Variants in CNTNAP4 observed in about 807,000 individuals in gnomAD.
CNTNAP4 encodes contactin associated protein family member 4, also known as contactin-associated protein-like 4.
Under a neutral mutation model 148.4 loss-of-function variants are expected in CNTNAP4, and 98 were observed. The ratio of observed to expected loss-of-function variants is 0.66; its 90% CI spans 0.56 to 0.78. The LOEUF (loss-of-function observed/expected upper bound fraction) is 0.78, where lower values mean the gene tolerates loss of function less well. CNTNAP4 is among the 30% of genes least tolerant of loss of function. The probability of loss-of-function intolerance (pLI) is 0.00; values close to 1 mark genes in which losing one functional copy is unlikely to be tolerated. For missense variants in CNTNAP4, 1,935 were observed against 1,565.6 expected (o/e 1.24, Z -3.98); for synonymous variants, 730 against 565.1 (o/e 1.29, Z -4.14).
intron 1 of CNTNAP4, among the ~76,000 whole-genome samples, chr16:76,299,377 G>A (rs542951048): frequency 4.1e-4 from 62 of 152,192 alleles, no homozygotes; most frequent in African/African-American, 1.3e-3. Flanking sequence ...TTATGCAGCC[G>A]ACAGACACAT....
At chr16:76,363,642 A>C (rs1175720867) in intron 3 of CNTNAP4, among the ~76,000 whole-genome samples, 2 of 152,226 alleles carry the variant, frequency 1.3e-5, no homozygotes, top group Non-Finnish European at 1.5e-5. Context: ...AAAAATAAAC[A>C]AGTGGAACTA....
At chr16:76,311,095 A>G (rs183153875) in intron 1 of CNTNAP4, among the ~76,000 whole-genome samples, 16 of 152,220 alleles carry the variant, frequency 1.1e-4, no homozygotes, top group Non-Finnish European at 1.5e-5. Context: ...ATATATACCT[A>G]TTATCTTAGT....
intron 12 of CNTNAP4, among the ~76,000 whole-genome samples, chr16:76,488,577 G>A (rs1264323136): frequency 6.6e-6 from 1 of 152,134 alleles, no homozygotes; most frequent in East Asian, 1.9e-4. Flanking sequence ...GCTAAAAAGA[G>A]AGGGGAAAGT....
chr16:76,539,708 C>T lies in CNTNAP4; in HGVS notation c.3221-11C>T. ...TTTTACTAAAAGAATCACAATTTTT[C>T]CCCACTCTAGGAAGTTTGCAGATCA... is the stretch of plus-strand genomic sequence containing the variant. On this transcript the variant is annotated splice_polypyrimidine_tract_variant and intron_variant, in intron 19 of 23. Transcript: ENST00000611870. The T allele has an allele frequency of 6.4e-7, 1 of 1,570,008 alleles. No individual in the cohort carries two copies. The highest frequency in any genetic ancestry group is 8.6e-7 in the Non-Finnish European group (1 of 1,165,424).
At chr16:76,382,708 A>G (rs141858642) in intron 3 of CNTNAP4, among the ~76,000 whole-genome samples, 247 of 152,306 alleles carry the variant, frequency 1.6e-3, no homozygotes, top group African/African-American at 5.7e-3. Context: ...TCAAGAAATT[A>G]TCAAGGAAAA....
intron 8 of CNTNAP4, 47 bp from the exon 9 acceptor site, chr16:76,461,909 T>C (rs775702875): frequency 6.4e-7 from 1 of 1,572,972 alleles, no homozygotes; most frequent in Admixed American, 1.7e-5. Context: ...CAACTCCTTA[T>C]AGTGTTCACT....
intron 2 of CNTNAP4, among the ~76,000 whole-genome samples, chr16:76,346,000 C>T (rs189034525): frequency 6.6e-6 from 1 of 152,132 alleles, no homozygotes; most frequent in Non-Finnish European, 1.5e-5. Flanking sequence ...TTACCAGGAA[C>T]TGAATCTGCC....
At chr16:76,353,668 T>TGG (rs2012162572) in intron 2 of CNTNAP4, among the ~76,000 whole-genome samples, 1 of 152,154 alleles carries the variant, frequency 6.6e-6, no homozygotes, top group Non-Finnish European at 1.5e-5. Flanking sequence ...CTGCTTGTCA[T>TGG]ACAGAAGCTG....
chr16:76,467,996 T>C (rs1026123684), intron 10 of CNTNAP4, among the ~76,000 whole-genome samples: 4 of 152,016 alleles, frequency 2.6e-5, no homozygotes, highest in Non-Finnish European at 5.9e-5. Flanking sequence ...TAATGTGCCT[T>C]TTTAACAACC....
chr16:76,478,878 A>G (rs1446261060), intron 11 of CNTNAP4, among the ~76,000 whole-genome samples: 1 of 152,010 alleles, frequency 6.6e-6, no homozygotes, highest in Non-Finnish European at 1.5e-5. Context: ...AGCTTTGTGA[A>G]TCCCATTTGT....
chr16:76,553,613 G>A, intron 22 of CNTNAP4, 112 bp downstream of exon 22: 1 of 794,582 alleles, frequency 1.3e-6, no homozygotes. Flanking sequence ...CTTAAAGTTG[G>A]TTTTGTTTGT....
intron 2 of CNTNAP4, among the ~76,000 whole-genome samples, chr16:76,336,770 G>T (rs960517234): frequency 1.4e-4 from 21 of 152,288 alleles, no homozygotes; most frequent in African/African-American, 4.8e-4. Context: ...TCCAGCTTTT[G>T]AGTTGACATG....
intron 2 of CNTNAP4, among the ~76,000 whole-genome samples, chr16:76,318,746 A>T (rs999820556): frequency 2.7e-5 from 4 of 145,944 alleles, no homozygotes; most frequent in Admixed American, 1.4e-4. Context: ...ATTAATAATA[A>T]TCATAATAAT....
At chr16:76,545,673 A>G (rs1411611132) in intron 21 of CNTNAP4, among the ~76,000 whole-genome samples, 4 of 152,204 alleles carry the variant, frequency 2.6e-5, no homozygotes, top group African/African-American at 9.7e-5. Context: ...CCTTCATACA[A>G]TGATAAAACA....
rs147556821 is a variant in CNTNAP4, at chr16:76,492,500, A to G, written c.2081-2410A>G. On this transcript the variant is annotated intron_variant, in intron 13 of 23. Transcript: ENST00000611870. ...AGAACCAGAAAGCAAAATCCCTGAG[A>G]GAGTGTTGAGCAAACACCACACAGA... is the stretch of plus-strand genomic sequence containing the variant. 4.0e-3 allele frequency among the ~76,000 whole-genome samples: 600 copies of G among 149,158 alleles called. 3 individuals carry two copies. The highest frequency in any genetic ancestry group is 0.013 in the African/African-American group (559 of 41,510).
intron 3 of CNTNAP4, among the ~76,000 whole-genome samples, chr16:76,408,150 A>G (rs1435628903): frequency 6.6e-6 from 1 of 152,140 alleles, no homozygotes; most frequent in Non-Finnish European, 1.5e-5. Context: ...TAAAGATACT[A>G]TTTATATGCA....
intron 15 of CNTNAP4, 106 bp from the exon 16 acceptor site, chr16:76,521,034 T>C: frequency 9.2e-7 from 1 of 1,084,128 alleles, no homozygotes; most frequent in Non-Finnish European, 1.3e-6. Context: ...AATAACATTT[T>C]AAATAGCAAA....
chr16:76,535,841 C>G, intron 18 of CNTNAP4, 57 bp downstream of exon 18: 3 of 1,533,878 alleles, frequency 2.0e-6, no homozygotes, highest in Non-Finnish European at 1.8e-6. Context: ...GATTAAATGT[C>G]TGGCAGTTCT....
intron 3 of CNTNAP4, among the ~76,000 whole-genome samples, chr16:76,365,335 T>C (rs1271368232): frequency 3.9e-5 from 6 of 152,214 alleles, no homozygotes; most frequent in Admixed American, 6.5e-5. Context: ...TTCTTTTGCT[T>C]AGGATTATCT....
Sources: allele counts gnomAD v4.1 joint callset (sites outside exome capture counted in the v4.1 genomes callset), GRCh38; gene constraint gnomAD v4.1.1; transcripts MANE v1.5; gene names NCBI Gene and HGNC (gene_info 2026-07-23, HGNC 2026-07-21).